The following ADARB1 variants were observed in gnomAD, a reference collection of about 807,000 sequenced individuals.
ADARB1 encodes the protein double-stranded RNA-specific editase 1.
A neutral mutation model predicts 52.4 loss-of-function variants in ADARB1; 10 were observed. That is an observed-to-expected ratio of 0.19 (90% CI 0.12 to 0.32). The LOEUF is 0.32. Among genes scored for constraint, ADARB1 ranks in the 10% least tolerant of loss-of-function variants. ADARB1 has a pLI of 1.00. For missense variants in ADARB1, 643 were observed against 922.3 expected (o/e 0.70, Z 3.92); for synonymous variants, 349 against 371.1 (o/e 0.94, Z 0.68).
rs1279041046 is a variant in ADARB1, at chr21:45,225,841, C to T, written c.*3644C>T. 2.0e-5 allele frequency: 7 copies of T among 350,268 alleles called. No homozygotes were observed. Among genetic ancestry groups the T allele is most frequent in the Non-Finnish European group, 3.1e-5 (6 of 195,664 alleles). The allele number at this position is 350,268 out of a possible 1,614,324, so 21.7% of individuals were successfully genotyped here. On this transcript the variant is annotated 3_prime_UTR_variant, in exon 11 of 11. Transcript: ENST00000348831. Reference sequence around the variant, plus strand: ...TGTAAGTGGAAAGGGCATTGTGTTCCGTGTGTGTCCAGTTTACAGCGTCTC... The same window carrying T: ...TGTAAGTGGAAAGGGCATTGTGTTCTGTGTGTGTCCAGTTTACAGCGTCTC...
intron 9 of ADARB1, among the ~76,000 whole-genome samples, chr21:45,216,055 A>G (rs1406369669): frequency 6.6e-6 from 1 of 152,162 alleles, no homozygotes; most frequent in African/African-American, 2.4e-5. Flanking sequence ...AAGCTTCAGT[A>G]ATTTGTCTTT....
rs2092984909 is a variant in ADARB1 at position 45,222,511 on chromosome 21, G to T, written c.*314G>T. On this transcript the variant is annotated 3_prime_UTR_variant, in exon 11 of 11. Coordinates refer to ENST00000348831, the MANE Select transcript of ADARB1 (RefSeq NM_001112.4). ...ACGTTTAGAAATTGAGTTCTACTGA[G>T]TAGGGCTTCCTTAAGTTTAGGAAAA... 3 of 1,152,710 alleles carry T rather than the reference G, an allele frequency of 2.6e-6. No homozygotes were observed. Among genetic ancestry groups the T allele is most frequent in the Non-Finnish European group, 3.2e-6 (3 of 937,216 alleles). 71.4% of individuals were successfully genotyped at this position (1,152,710 alleles called of 1,614,324 possible).
At chr21:45,077,435 G>A (rs2085982794) in intron 1 of ADARB1, among the ~76,000 whole-genome samples, 1 of 152,172 alleles carries the variant, frequency 6.6e-6, no homozygotes, top group South Asian at 2.1e-4. Flanking sequence ...GGAGGCCGAG[G>A]CGGGTAGATC....
intron 9 of ADARB1, among the ~76,000 whole-genome samples, chr21:45,219,460 G>A (rs1446791202): frequency 2.0e-5 from 3 of 152,162 alleles, no homozygotes; most frequent in African/African-American, 7.2e-5. Context: ...GGAGGTGGAG[G>A]TTGCAGCAAG....
chr21:45,180,510 A>C, intron 5 of ADARB1, 66 bp downstream of exon 5: 1 of 1,339,832 alleles, frequency 7.5e-7, no homozygotes, highest in Non-Finnish European at 1.1e-6. Flanking sequence ...AAATGTTCTC[A>C]ATCGACAAAA....
Position 45,093,808 on chromosome 21 carries a change from T to C in ADARB1, c.-220+19015T>C, listed in dbSNP as rs1202663207. Among the ~76,000 whole-genome samples, 6 of 152,238 alleles carry C rather than the reference T, an allele frequency of 3.9e-5. No homozygotes were observed. In the East Asian group the frequency reaches 1.2e-3, roughly 29 times the overall value. On this transcript the variant is annotated intron_variant, in intron 1 of 10. Coordinates refer to ENST00000348831, the MANE Select transcript of ADARB1 (RefSeq NM_001112.4). The stretch of plus-strand genomic sequence containing the variant: ...AAAGTCCCAGAACAGAATTACTTTA[T>C]GTTTTAATTTCAGGCAAATGTCTCT...
At chr21:45,082,660 T>A (rs1192352478) in intron 1 of ADARB1, among the ~76,000 whole-genome samples, 2 of 152,336 alleles carry the variant, frequency 1.3e-5, no homozygotes, top group East Asian at 3.9e-4. Context: ...TTAACATTTA[T>A]TAAGCTCTTA....
intron 2 of ADARB1, among the ~76,000 whole-genome samples, chr21:45,149,395 A>T (rs2090169394): frequency 6.6e-6 from 1 of 152,226 alleles, no homozygotes; most frequent in Non-Finnish European, 1.5e-5. Context: ...CCTGTCCCTG[A>T]CACTGGCAGG....
chr21:45,193,007 C>G (rs2092340165), intron 8 of ADARB1, among the ~76,000 whole-genome samples: 1 of 152,116 alleles, frequency 6.6e-6, no homozygotes, highest in South Asian at 2.1e-4. Flanking sequence ...CTATTGAATT[C>G]CAAACATTTA....
chr21:45,088,627 C>T (rs760716344), intron 1 of ADARB1, among the ~76,000 whole-genome samples: 5 of 152,162 alleles, frequency 3.3e-5, no homozygotes, highest in African/African-American at 7.2e-5. Context: ...AGGTGAGTTC[C>T]GCGGGAGGAT....
chr21:45,160,546 C>T (rs1304164778), intron 2 of ADARB1, among the ~76,000 whole-genome samples: 1 of 152,236 alleles, frequency 6.6e-6, no homozygotes, highest in Non-Finnish European at 1.5e-5. Flanking sequence ...CTTCCAGTTG[C>T]TTACTTCTGT....
Position 45,224,191 on chromosome 21 carries a change from A to T in ADARB1, c.*1994A>T. On this transcript the variant is annotated 3_prime_UTR_variant, in exon 11 of 11. Transcript: ENST00000348831. ...TGGGAGATGGACTTCGTTTTTAAAA[A>T]TATGTGGATTTTGGTTACCAAGTTT... is the stretch of plus-strand genomic sequence containing the variant. 1.0e-6 allele frequency: 1 copy of T among 985,456 alleles called. No individual in the cohort carries two copies. The highest frequency in any genetic ancestry group is 6.1e-5 in the Admixed American group (1 of 16,292). 61.0% of individuals were successfully genotyped at this position (985,456 alleles called of 1,614,324 possible).
intron 2 of ADARB1, among the ~76,000 whole-genome samples, chr21:45,155,321 AGAGT>A (rs1383741201): frequency 6.6e-6 from 1 of 152,136 alleles, no homozygotes; most frequent in Non-Finnish European, 1.5e-5. Flanking sequence ...CACCCTTCAC[AGAGT>A]GAGCAGAGCC....
chr21:45,174,445 G>A (rs1245602391), intron 3 of ADARB1, among the ~76,000 whole-genome samples: 1 of 152,154 alleles, frequency 6.6e-6, no homozygotes, highest in Non-Finnish European at 1.5e-5. Flanking sequence ...GCTCACACCT[G>A]TAATCCCAGC....
chr21:45,176,798 G>A lies in ADARB1; in HGVS notation c.963+134G>A, dbSNP rs2091713303. 9.5e-7 allele frequency: 1 copy of A among 1,047,504 alleles called. No homozygotes were observed. Among genetic ancestry groups the A allele is most frequent in the Non-Finnish European group, 1.3e-6 (1 of 746,284 alleles). The allele number at this position is 1,047,504 out of a possible 1,614,324, so 64.9% of individuals were successfully genotyped here. A position where few individuals can be genotyped will look rare whatever the true frequency, so the allele number is the denominator to read the frequency against. On this transcript the variant is annotated intron_variant, in intron 4 of 10. Coordinates refer to ENST00000348831, the MANE Select transcript of ADARB1 (RefSeq NM_001112.4). The surrounding 1 kb of genome is among the most constrained non-coding windows in gnomAD (Gnocchi z 5.8). ...TCTGTCCCCACCAGGAGGAGTTACTGGTAAGTCTGGCTGCTTGATTTCCAT... is the reference window on the plus strand; with the variant it reads ...TCTGTCCCCACCAGGAGGAGTTACTAGTAAGTCTGGCTGCTTGATTTCCAT...
At chr21:45,209,978 T>C (rs1399257182) in intron 9 of ADARB1, among the ~76,000 whole-genome samples, 1 of 152,248 alleles carries the variant, frequency 6.6e-6, no homozygotes, top group Non-Finnish European at 1.5e-5. Flanking sequence ...GCCTGACTTC[T>C]GTCACCATCT....
Position 45,176,038 on chromosome 21 carries a change from G to A in ADARB1, c.337G>A (p.Val113Met), listed in dbSNP as rs2091680827. 2 of 1,614,230 alleles carry A rather than the reference G, an allele frequency of 1.2e-6. No homozygotes were observed. The highest frequency in any genetic ancestry group is 2.7e-5 in the African/African-American group (2 of 75,056). The change falls in exon 4 of 11, where the codon GTG becomes ATG. Residue 113 changes from valine (V) to methionine (M), a missense_variant. Transcript: ENST00000348831. This position sits in a 1 kb window ranked among gnomAD's most constrained non-coding sequence, Gnocchi z 5.8. Reference sequence around the variant, plus strand: ...GCACGCGCCTTTGTTTGTCATGTCTGTGGAGGTGAATGGCCAGGTTTTTGA... The same window carrying A: ...GCACGCGCCTTTGTTTGTCATGTCTATGGAGGTGAATGGCCAGGTTTTTGA... Reference protein sequence around the residue: ...PVHAPLFVMSVEVNGQVFEGS... With the variant: ...PVHAPLFVMSMEVNGQVFEGS...
At chr21:45,149,267 A>C in intron 2 of ADARB1, among the ~76,000 whole-genome samples, 1 of 152,112 alleles carries the variant, frequency 6.6e-6, no homozygotes, top group East Asian at 1.9e-4. Flanking sequence ...TGTCCTCTGT[A>C]CTGGGAACAT....
At chr21:45,101,282 TGC>T (rs2087000908) in intron 1 of ADARB1, among the ~76,000 whole-genome samples, 1 of 152,134 alleles carries the variant, frequency 6.6e-6, no homozygotes, top group African/African-American at 2.4e-5. Flanking sequence ...CGCTGTGCCC[TGC>T]GCGCGGGCGG....
Sources: allele counts gnomAD v4.1 joint callset (sites outside exome capture counted in the v4.1 genomes callset), GRCh38; gene constraint gnomAD v4.1.1; non-coding constraint Gnocchi (gnomAD v3.1); transcripts MANE v1.5; gene names NCBI Gene and HGNC (gene_info 2026-07-23, HGNC 2026-07-21).